TAF4B: variants seen among roughly 807,000 people sequenced by gnomAD.
TAF4B encodes the protein TATA-box binding protein associated factor 4b.
TAF4B carries 38 observed loss-of-function variants against 86.4 expected under a neutral mutation model. That is an observed-to-expected ratio of 0.44 (90% CI 0.34 to 0.58). TAF4B has a LOEUF of 0.58. TAF4B is among the 20% of genes least tolerant of loss of function. The pLI is 0.02. For missense variants in TAF4B, 988 were observed against 1,027.6 expected (o/e 0.96, Z 0.53); for synonymous variants, 388 against 391.2 (o/e 0.99, Z 0.10).
intron 9 of TAF4B, 66 bp from the exon 10 acceptor site, chr18:26,315,143 TCTGTCTCTCTCTCTCTCTCA>T (rs1407873963): frequency 3.1e-5 from 9 of 293,640 alleles, no homozygotes; most frequent in African/African-American, 5.9e-5. Flanking sequence ...TCTCTCTCTC[TCTGTCTCTCTCTCTCTCTCA>T]CACACACACA....
At position 26,391,149 on chromosome 18, in the gene TAF4B, T is replaced by C. The variant is rs1421468657; in HGVS notation, c.*1137T>C. On this transcript the variant is annotated 3_prime_UTR_variant, in exon 15 of 15. Coordinates refer to ENST00000269142, the MANE Select transcript of TAF4B (RefSeq NM_005640.3). ...CACTCTTGGGGATATGAGCTCTAAATATGAGAAGCAAGTTATATGTGTTCA... is the reference window on the plus strand; with the variant it reads ...CACTCTTGGGGATATGAGCTCTAAACATGAGAAGCAAGTTATATGTGTTCA... 2 of 150,890 alleles carry C rather than the reference T, an allele frequency of 1.3e-5. No individual in the cohort carries two copies. The highest frequency in any genetic ancestry group is 2.9e-5 in the Non-Finnish European group (2 of 67,824). The allele number at this position is 150,890 out of a possible 1,614,324, so 9.3% of individuals were successfully genotyped here.
At chr18:26,240,074 CT>C (rs1167694620) in intron 1 of TAF4B, among the ~76,000 whole-genome samples, 1 of 152,156 alleles carries the variant, frequency 6.6e-6, no homozygotes, top group Non-Finnish European at 1.5e-5. Context: ...AATGCTGGCT[CT>C]TTTTTGGTTC....
chr18:26,332,696 C>T (rs544628694), intron 12 of TAF4B, among the ~76,000 whole-genome samples: 6 of 151,896 alleles, frequency 4.0e-5, no homozygotes, highest in Admixed American at 3.9e-4. Context: ...TGCCTGGCTA[C>T]TTTTTGCATT....
intron 3 of TAF4B, among the ~76,000 whole-genome samples, chr18:26,273,133 T>C (rs2056341744): frequency 6.6e-6 from 1 of 152,190 alleles, no homozygotes; most frequent in Non-Finnish European, 1.5e-5. Context: ...CTAGAACATG[T>C]TGTATAAGAC....
intron 13 of TAF4B, among the ~76,000 whole-genome samples, chr18:26,349,576 A>T (rs550136782): frequency 6.6e-6 from 1 of 152,354 alleles, no homozygotes; most frequent in Non-Finnish European, 1.5e-5. Context: ...ATGTACAAAC[A>T]TCTCATGCTC....
intron 11 of TAF4B, 34 bp downstream of exon 11, chr18:26,321,234 G>A (rs2276407): frequency 0.26 from 420,507 of 1,609,326 alleles, 59,816 homozygotes; most frequent in Non-Finnish European, 0.3. Flanking sequence ...ATAAACTCTC[G>A]AGTGTTATAG....
At chr18:26,252,022 C>T (rs368031105) in intron 1 of TAF4B, among the ~76,000 whole-genome samples, 6 of 152,178 alleles carry the variant, frequency 3.9e-5, no homozygotes, top group African/African-American at 1.2e-4. Context: ...TTCAAAAATC[C>T]TCTCACATAT....
intron 14 of TAF4B, among the ~76,000 whole-genome samples, chr18:26,383,580 T>C (rs1158064558): frequency 2.0e-5 from 3 of 152,292 alleles, no homozygotes; most frequent in African/African-American, 2.4e-5. Flanking sequence ...ATCTGGAAAA[T>C]GAGAGAGCGT....
chr18:26,291,422 G>A (rs933914956), intron 7 of TAF4B, among the ~76,000 whole-genome samples: 3 of 151,954 alleles, frequency 2.0e-5, no homozygotes, highest in Non-Finnish European at 4.4e-5. Context: ...TGTGATCCCC[G>A]CTGGGATTAC....
At chr18:26,370,898 C>T (rs2057401880) in intron 14 of TAF4B, among the ~76,000 whole-genome samples, 1 of 152,074 alleles carries the variant, frequency 6.6e-6, no homozygotes, top group African/African-American at 2.4e-5. Flanking sequence ...GATGATAGAA[C>T]TTTATTTGTA....
intron 1 of TAF4B, among the ~76,000 whole-genome samples, chr18:26,254,330 G>C (rs2056050125): frequency 1.3e-5 from 2 of 151,964 alleles, no homozygotes; most frequent in Admixed American, 6.6e-5. Flanking sequence ...CAATCTTTTG[G>C]TTTTGTTGAT....
Position 26,297,134 on chromosome 18 carries a change from TAA to T in TAF4B, c.1832+3618_1832+3619del, listed in dbSNP as rs34976057. ...GGGTGACAGAGTGAGACTGTCTCAT[TAA>T]AAAAAAAAAAAAAATGTAGAAGTGA... On this transcript the variant is annotated intron_variant, in intron 9 of 14. Coordinates refer to ENST00000269142, the MANE Select transcript of TAF4B (RefSeq NM_005640.3). 9.0e-3 allele frequency among the ~76,000 whole-genome samples: 1,245 copies of T among 138,298 alleles called. 18 individuals are homozygous for T. The highest frequency in any genetic ancestry group is 0.03 in the African/African-American group (1,151 of 37,782). 90.7% of individuals were successfully genotyped at this position (138,298 alleles called of 152,430 possible).
intron 13 of TAF4B, among the ~76,000 whole-genome samples, chr18:26,353,536 G>A (rs1164103116): frequency 6.6e-6 from 1 of 152,190 alleles, no homozygotes; most frequent in Non-Finnish European, 1.5e-5. Flanking sequence ...TTCAAGACCA[G>A]CCTGGGCAAC....
chr18:26,294,212 CAG>C, intron 9 of TAF4B, among the ~76,000 whole-genome samples: 1 of 152,142 alleles, frequency 6.6e-6, no homozygotes, highest in African/African-American at 2.4e-5. Context: ...ATCAAAATGA[CAG>C]TATCATTTTG....
intron 13 of TAF4B, among the ~76,000 whole-genome samples, chr18:26,349,303 G>A (rs766621911): frequency 4.6e-5 from 7 of 151,700 alleles, no homozygotes; most frequent in South Asian, 2.1e-4. Flanking sequence ...TATTGTTGCC[G>A]TCTCAAAGGA....
At chr18:26,263,378 C>T (rs1349356305) in intron 1 of TAF4B, among the ~76,000 whole-genome samples, 1 of 152,138 alleles carries the variant, frequency 6.6e-6, no homozygotes. Flanking sequence ...TGTTAGAATT[C>T]CGTTGATACA....
intron 1 of TAF4B, among the ~76,000 whole-genome samples, chr18:26,231,017 TGTG>T (rs1476463877): frequency 1.3e-5 from 2 of 150,098 alleles, no homozygotes; most frequent in Admixed American, 6.7e-5. Context: ...TTGACAAACT[TGTG>T]GTGTGTTGTT....
rs1380928853 is a variant in TAF4B, at chr18:26,321,152, T to C, written c.2085T>C (p.Leu695=). 2 of 1,613,856 alleles carry C rather than the reference T, an allele frequency of 1.2e-6. No homozygotes were observed. The highest frequency in any genetic ancestry group is 3.3e-5 in the Admixed American group (2 of 60,010). Residue 695 remains leucine (L), a synonymous_variant, in exon 11 of 15, where the codon CTT becomes CTC. Transcript: ENST00000269142. ...SQATQERLRG[L]LEKLTAIAQH... ...CAACACAGGAACGACTACGAGGCCT[T>C]CTAGAAAAACTGACTGCAATTGCTC...
chr18:26,294,771 A>C (rs2056641182), intron 9 of TAF4B, among the ~76,000 whole-genome samples: 2 of 150,280 alleles, frequency 1.3e-5, no homozygotes, highest in African/African-American at 4.8e-5. Context: ...ACATGTACAC[A>C]ATAGTTTTTA....
Sources: allele counts gnomAD v4.1 joint callset (sites outside exome capture counted in the v4.1 genomes callset), GRCh38; gene constraint gnomAD v4.1.1; transcripts MANE v1.5; gene names NCBI Gene and HGNC (gene_info 2026-07-23, HGNC 2026-07-21).